SNX29: variants seen among roughly 807,000 people sequenced by gnomAD.
The protein encoded by SNX29 is sorting nexin 29.
SNX29 carries 78 observed loss-of-function variants against 102.1 expected under a neutral mutation model. The ratio of observed to expected loss-of-function variants is 0.76; its 90% CI spans 0.64 to 0.92. The LOEUF (loss-of-function observed/expected upper bound fraction) is 0.92. SNX29 is among the 40% of genes least tolerant of loss of function. The probability of loss-of-function intolerance (pLI) is 0.00; values close to 1 mark genes in which losing one functional copy is unlikely to be tolerated. For missense variants in SNX29, 1,280 were observed against 1,061.7 expected (o/e 1.21, Z -2.86); for synonymous variants, 580 against 414.5 (o/e 1.40, Z -4.85).
chr16:12,108,886 T>C (rs1371275429), intron 11 of SNX29, among the ~76,000 whole-genome samples: 2 of 151,940 alleles, frequency 1.3e-5, no homozygotes, highest in Non-Finnish European at 2.9e-5. Flanking sequence ...ATCCCAGCAC[T>C]TTGGGAGGCC....
chr16:12,538,322 A>G (rs374908596), intron 20 of SNX29, among the ~76,000 whole-genome samples: 20 of 152,142 alleles, frequency 1.3e-4, no homozygotes, highest in African/African-American at 3.4e-4. Context: ...GGGTTTCACC[A>G]TGTTAGCCAG....
At position 12,570,144 on chromosome 16, in the gene SNX29, C is replaced by T. The variant is rs769281784; in HGVS notation, c.*1515C>T. On this transcript the variant is annotated 3_prime_UTR_variant, in exon 21 of 21. Coordinates refer to ENST00000566228, the MANE Select transcript of SNX29 (RefSeq NM_032167.5). Reference sequence around the variant, plus strand: ...CATGGCCTTTAAGGAAGGCTGAGATCACTCACACACAGCGCCCCCCCACCC... The same window carrying T: ...CATGGCCTTTAAGGAAGGCTGAGATTACTCACACACAGCGCCCCCCCACCC... The T allele has an allele frequency of 3.8e-6, 4 of 1,061,398 alleles. No homozygotes were observed. The highest frequency in any genetic ancestry group is 4.2e-4 in the Middle Eastern group (1 of 2,390). 65.7% of individuals were successfully genotyped at this position (1,061,398 alleles called of 1,614,324 possible). A position where few individuals can be genotyped will look rare whatever the true frequency, so the allele number is the denominator to read the frequency against.
chr16:12,211,555 G>A (rs1329628443), intron 14 of SNX29, among the ~76,000 whole-genome samples: 1 of 152,064 alleles, frequency 6.6e-6, no homozygotes, highest in African/African-American at 2.4e-5. Context: ...TGGACCAATA[G>A]GGGTGTGTGT....
intron 19 of SNX29, among the ~76,000 whole-genome samples, chr16:12,515,242 A>G (rs2089812863): frequency 6.6e-6 from 1 of 152,134 alleles, no homozygotes; most frequent in Non-Finnish European, 1.5e-5. Context: ...ACTGTTTTGT[A>G]ATGATCGCTT....
intron 18 of SNX29, among the ~76,000 whole-genome samples, chr16:12,424,084 CCT>C (rs1367221051): frequency 3.9e-5 from 6 of 152,224 alleles, no homozygotes; most frequent in Non-Finnish European, 7.3e-5. Context: ...TACGTTAGAG[CCT>C]CAGAGGCGTG....
chr16:12,062,281 AG>A (rs200997642), intron 9 of SNX29, among the ~76,000 whole-genome samples: 3,128 of 151,936 alleles, frequency 0.021, 51 homozygotes, highest in Middle Eastern at 0.048. Flanking sequence ...CACGAGGCTG[AG>A]GCAGGAGAAT....
intron 18 of SNX29, among the ~76,000 whole-genome samples, chr16:12,467,879 G>A (rs1275467863): frequency 2.0e-5 from 3 of 152,180 alleles, no homozygotes; most frequent in Non-Finnish European, 4.4e-5. Context: ...GAAACCTCAC[G>A]GAGTGAGGGG....
At chr16:12,559,753 G>T (rs7200321) in intron 20 of SNX29, among the ~76,000 whole-genome samples, 4 of 151,958 alleles carry the variant, frequency 2.6e-5, no homozygotes, top group African/African-American at 9.7e-5. Context: ...TGCCCAGCCT[G>T]ACAGCAGTCA....
intron 11 of SNX29, among the ~76,000 whole-genome samples, chr16:12,081,027 A>G (rs73517810): frequency 0.018 from 2,681 of 152,210 alleles, 76 homozygotes; most frequent in African/African-American, 0.062. Context: ...GAATTCCTTT[A>G]TTTTTTGAAA....
intron 15 of SNX29, among the ~76,000 whole-genome samples, chr16:12,309,680 G>A (rs758776300): frequency 7.2e-5 from 11 of 152,184 alleles, no homozygotes; most frequent in Non-Finnish European, 1.5e-4. Flanking sequence ...TCAGAGGGAG[G>A]TGGGTTCTCA....
At chr16:12,480,787 G>A (rs2087869108) in intron 19 of SNX29, among the ~76,000 whole-genome samples, 1 of 152,170 alleles carries the variant, frequency 6.6e-6, no homozygotes, top group South Asian at 2.1e-4. Flanking sequence ...GGAGTGGGAG[G>A]GTTTTTCTGG....
At chr16:12,498,115 A>G (rs1272426756) in intron 19 of SNX29, among the ~76,000 whole-genome samples, 1 of 152,216 alleles carries the variant, frequency 6.6e-6, no homozygotes, top group Non-Finnish European at 1.5e-5. Flanking sequence ...CTTGAGGGAT[A>G]AGCAGCATTC....
At chr16:12,564,605 G>C (rs532925776) in intron 20 of SNX29, among the ~76,000 whole-genome samples, 2 of 152,102 alleles carry the variant, frequency 1.3e-5, no homozygotes, top group South Asian at 2.1e-4. Context: ...TTGTGAAACT[G>C]TAACAGACCT....
chr16:12,138,165 C>T (rs1355749980), intron 13 of SNX29, among the ~76,000 whole-genome samples: 1 of 149,706 alleles, frequency 6.7e-6, no homozygotes, highest in African/African-American at 2.5e-5. Context: ...GCCAAGATGG[C>T]AGCATTGTAC....
At chr16:12,193,648 G>T (rs2076700371) in intron 13 of SNX29, among the ~76,000 whole-genome samples, 1 of 152,010 alleles carries the variant, frequency 6.6e-6, no homozygotes, top group Non-Finnish European at 1.5e-5. Context: ...ATTTGTTTGT[G>T]GTCCAGTTTT....
At chr16:12,160,361 G>A (rs900772026) in intron 13 of SNX29, among the ~76,000 whole-genome samples, 1 of 152,194 alleles carries the variant, frequency 6.6e-6, no homozygotes, top group African/African-American at 2.4e-5. Flanking sequence ...CTATCCCCTT[G>A]GTTACATAGC....
intron 15 of SNX29, 28 bp downstream of exon 15, chr16:12,278,064 TG>T (rs2071508315): frequency 6.4e-7 from 1 of 1,558,128 alleles, no homozygotes; most frequent in South Asian, 1.2e-5. Flanking sequence ...TGTGTGTCTT[TG>T]TTTCTGATGT....
intron 13 of SNX29, among the ~76,000 whole-genome samples, chr16:12,134,158 A>G (rs965348693): frequency 1.3e-5 from 2 of 152,198 alleles, no homozygotes; most frequent in Non-Finnish European, 2.9e-5. Context: ...AAAAAGACAC[A>G]CATTTACAGG....
At chr16:12,521,558 A>C (rs1253459897) in intron 19 of SNX29, among the ~76,000 whole-genome samples, 2 of 152,128 alleles carry the variant, frequency 1.3e-5, no homozygotes, top group Non-Finnish European at 2.9e-5. Context: ...TGTTTTGAGC[A>C]TTTCCCTTCC....
Sources: allele counts gnomAD v4.1 joint callset (sites outside exome capture counted in the v4.1 genomes callset), GRCh38; gene constraint gnomAD v4.1.1; transcripts MANE v1.5; gene names NCBI Gene and HGNC (gene_info 2026-07-23, HGNC 2026-07-21).